SLC4A4: variants seen among roughly 807,000 people sequenced by gnomAD.
SLC4A4 encodes electrogenic sodium bicarbonate cotransporter 1.
A neutral mutation model predicts 111.5 loss-of-function variants in SLC4A4; 27 were observed. That is an observed-to-expected ratio of 0.24 (90% CI 0.18 to 0.33). The LOEUF (loss-of-function observed/expected upper bound fraction) is 0.33, where lower values mean the gene tolerates loss of function less well. Among genes scored for constraint, SLC4A4 ranks in the 10% least tolerant of loss-of-function variants. The pLI, the probability that SLC4A4 is intolerant of heterozygous loss-of-function variation, is 1.00. For synonymous variants in SLC4A4, 443 were observed against 463.4 expected, an observed-to-expected ratio of 0.96 and a Z score of 0.57; for missense variants, 909 against 1,315.5, an observed-to-expected ratio of 0.69 and a Z score of 4.78.
chr4:71,291,021 G>C (rs1223266926), intron 3 of SLC4A4, among the ~76,000 whole-genome samples: 3 of 152,086 alleles, frequency 2.0e-5, no homozygotes, highest in Non-Finnish European at 4.4e-5. Context: ...AAAGAATTTT[G>C]GTCAAGACAG....
At chr4:71,233,366 G>A (rs1192303481) in intron 1 of SLC4A4, 2 of 933,838 alleles carry the variant, frequency 2.1e-6, no homozygotes, top group African/African-American at 3.6e-5. Context: ...TGACCAAAGT[G>A]CTTTTTACAT....
At chr4:71,403,534 AG>A (rs1720559443) in intron 7 of SLC4A4, among the ~76,000 whole-genome samples, 1 of 152,194 alleles carries the variant, frequency 6.6e-6, no homozygotes, top group Non-Finnish European at 1.5e-5. Context: ...TTTAGGTAAG[AG>A]GGTTAGCCAG....
chr4:71,468,407 G>A lies in SLC4A4; in HGVS notation c.1631+1830G>A, dbSNP rs1292372360. 7.9e-5 allele frequency among the ~76,000 whole-genome samples: 12 copies of A among 152,146 alleles called. 1 individual carries two copies. The highest frequency in any genetic ancestry group is 2.9e-4 in the African/African-American group (12 of 41,570). On this transcript the variant is annotated intron_variant, in intron 13 of 25. Transcript: ENST00000264485. ...ATGTTTGCATCCCAGTTTGTTTTAA[G>A]TAATTGTGAGATACAGATTATTTCC...
At chr4:71,172,337 C>A (rs946859957) in intron 2 of SLC4A4, among the ~76,000 whole-genome samples, 13 of 151,518 alleles carry the variant, frequency 8.6e-5, no homozygotes, top group Non-Finnish European at 1.8e-4. Context: ...CTCACTGCAA[C>A]CTCTGCCTCA....
chr4:71,432,135 A>G (rs2149042932), intron 7 of SLC4A4, among the ~76,000 whole-genome samples: 1 of 152,284 alleles, frequency 6.6e-6, no homozygotes, highest in African/African-American at 2.4e-5. Context: ...GGCTGTTTAT[A>G]AAAAGCAGAC....
chr4:71,211,492 C>T (rs1718127136), intron 1 of SLC4A4, among the ~76,000 whole-genome samples: 1 of 152,186 alleles, frequency 6.6e-6, no homozygotes. Context: ...ACACAAACTA[C>T]TAACAATAAA....
Position 71,473,561 on chromosome 4 carries a change from G to A in SLC4A4, c.1903+591G>A, listed in dbSNP as rs564820072. On this transcript the variant is annotated intron_variant, in intron 14 of 25. Coordinates refer to ENST00000264485, the MANE Select transcript of SLC4A4 (RefSeq NM_001098484.3). ...GAAGAAATGAAAGAAGGAATGTGAT[G>A]TTCTAGGAGTAGATTTATATTGTAG... 3.9e-5 allele frequency among the ~76,000 whole-genome samples: 6 copies of A among 151,960 alleles called. No individual in the cohort carries two copies. In the South Asian group the frequency reaches 1.0e-3, roughly 26 times the overall value.
chr4:71,389,566 G>A (rs564464956), intron 6 of SLC4A4, among the ~76,000 whole-genome samples: 21 of 152,222 alleles, frequency 1.4e-4, no homozygotes, highest in African/African-American at 4.3e-4. Flanking sequence ...CAGGCTTTGG[G>A]CCAGTTTGGC....
chr4:71,311,928 A>G (rs1717281546), intron 3 of SLC4A4, among the ~76,000 whole-genome samples: 1 of 150,886 alleles, frequency 6.6e-6, no homozygotes. Flanking sequence ...AGAGAGAGAG[A>G]GAGAGAAGGA....
At chr4:71,249,329 CATT>C (rs1560812905) in intron 2 of SLC4A4, among the ~76,000 whole-genome samples, 7 of 152,046 alleles carry the variant, frequency 4.6e-5, no homozygotes, top group African/African-American at 1.2e-4. Flanking sequence ...TTAATAAACA[CATT>C]ATTTTTTATG....
intron 1 of SLC4A4, among the ~76,000 whole-genome samples, chr4:71,217,028 A>T (rs559287369): frequency 6.6e-6 from 1 of 152,352 alleles, no homozygotes; most frequent in African/African-American, 2.4e-5. Flanking sequence ...CATTCACTTT[A>T]TAAAAATTCT....
chr4:71,418,184 T>C (rs1721988655), intron 7 of SLC4A4, among the ~76,000 whole-genome samples: 1 of 152,250 alleles, frequency 6.6e-6, no homozygotes, highest in African/African-American at 2.4e-5. Flanking sequence ...TAATGGATTG[T>C]ACTTAATGTT....
chr4:71,094,180 A>T (rs1742473281), intron 2 of SLC4A4, among the ~76,000 whole-genome samples: 1 of 152,228 alleles, frequency 6.6e-6, no homozygotes, highest in African/African-American at 2.4e-5. Context: ...GCATACAGTC[A>T]TAAAATGTAG....
At chr4:71,296,287 T>C (rs1030076667) in intron 3 of SLC4A4, among the ~76,000 whole-genome samples, 3 of 152,208 alleles carry the variant, frequency 2.0e-5, no homozygotes, top group Admixed American at 2.0e-4. Context: ...TGAAGAGTTA[T>C]TCATCTACTC....
intron 2 of SLC4A4, among the ~76,000 whole-genome samples, chr4:71,119,066 G>A (rs1189013835): frequency 1.3e-5 from 2 of 152,166 alleles, no homozygotes; most frequent in African/African-American, 2.4e-5. Flanking sequence ...GAATCTGGGC[G>A]ATAATGATGT....
At chr4:71,437,837 G>A (rs1724304783) in intron 7 of SLC4A4, 1 of 207,086 alleles carries the variant, frequency 4.8e-6, no homozygotes, top group Non-Finnish European at 9.8e-6. Context: ...GCCTCGTGGG[G>A]GCACTGAGCC....
intron 3 of SLC4A4, among the ~76,000 whole-genome samples, chr4:71,338,820 G>A (rs1728643199): frequency 6.9e-6 from 1 of 145,640 alleles, no homozygotes; most frequent in South Asian, 2.1e-4. Flanking sequence ...AAAGAAGAGG[G>A]CCCATCTTGT....
chr4:71,473,074 A>G, intron 14 of SLC4A4, 104 bp downstream of exon 14: 1 of 1,301,402 alleles, frequency 7.7e-7, no homozygotes, highest in Non-Finnish European at 1.1e-6. Context: ...CTCAGGAATT[A>G]GTCTTGTTTT....
intron 2 of SLC4A4, among the ~76,000 whole-genome samples, chr4:71,176,761 T>C (rs988060076): frequency 6.7e-4 from 102 of 152,230 alleles, no homozygotes; most frequent in African/African-American, 2.4e-3. Flanking sequence ...CTCTGCAGGG[T>C]ATTATCCAGG....
Sources: gnomAD v4.1 joint callset for allele counts (sites outside exome capture counted in the v4.1 genomes callset) on GRCh38, gnomAD v4.1.1 for gene constraint, MANE v1.5 for transcripts, NCBI Gene and HGNC (gene_info 2026-07-23, HGNC 2026-07-21) for gene names.